Variants in EDIL3 observed in about 807,000 individuals in gnomAD.
The protein encoded by EDIL3 is EGF-like repeat and discoidin I-like domain-containing protein 3.
In EDIL3, 37 loss-of-function variants were observed where a neutral mutation model predicts 67.4. The ratio of observed to expected loss-of-function variants is 0.55; its 90% confidence interval spans 0.42 to 0.72. The LOEUF (loss-of-function observed/expected upper bound fraction) is 0.72, where lower values mean the gene tolerates loss of function less well. Ranked by LOEUF, EDIL3 falls within the 30% of genes least tolerant of loss-of-function variation. The pLI is 0.00. For missense variants in EDIL3, 527 were observed against 586.3 expected (o/e 0.90, Z 1.04); for synonymous variants, 195 against 196.3 (o/e 0.99, Z 0.05).
chr5:83,989,819 A>G (rs762750910), intron 9 of EDIL3, among the ~76,000 whole-genome samples: 1 of 152,136 alleles, frequency 6.6e-6, no homozygotes, highest in Non-Finnish European at 1.5e-5. Flanking sequence ...CCTCCATCTG[A>G]GCAGACTGGA....
chr5:84,069,403 A>G (rs1746695890), intron 6 of EDIL3, among the ~76,000 whole-genome samples: 2 of 152,194 alleles, frequency 1.3e-5, no homozygotes, highest in African/African-American at 4.8e-5. Context: ...TATAATCTTG[A>G]ACAATTTGTC....
At chr5:84,016,793 C>T (rs1745614822) in intron 9 of EDIL3, among the ~76,000 whole-genome samples, 2 of 152,128 alleles carry the variant, frequency 1.3e-5, no homozygotes, top group South Asian at 2.1e-4. Context: ...ATATGAAACA[C>T]TCCTGGTTCC....
intron 1 of EDIL3, among the ~76,000 whole-genome samples, chr5:84,261,389 T>C (rs1745220096): frequency 6.6e-6 from 1 of 152,202 alleles, no homozygotes; most frequent in Non-Finnish European, 1.5e-5. Flanking sequence ...TATTGATATT[T>C]CACTTGTTGA....
rs142329636 is a variant in EDIL3 at position 84,162,760 on chromosome 5, C to T, written c.355+17633G>A. On this transcript the variant is annotated intron_variant, in intron 4 of 10. Transcript: ENST00000296591. ...ACAGGAAATCCACACATATTCTTTC[C>T]CTGCCATATTCTAGAACTGTACTCC... Among the ~76,000 whole-genome samples, 638 of 152,162 alleles carry T rather than the reference C, an allele frequency of 4.2e-3. 5 individuals are homozygous for T. Among genetic ancestry groups the T allele is most frequent in the Middle Eastern group, 0.01 (3 of 294 alleles).
At chr5:83,957,387 G>A (rs1370977284) in intron 10 of EDIL3, among the ~76,000 whole-genome samples, 1 of 151,634 alleles carries the variant, frequency 6.6e-6, no homozygotes, top group Non-Finnish European at 1.5e-5. Context: ...CAAAAGAACA[G>A]CATGAGTATT....
chr5:84,157,969 C>T (rs1459341139), intron 4 of EDIL3, among the ~76,000 whole-genome samples: 2 of 151,962 alleles, frequency 1.3e-5, no homozygotes, highest in Non-Finnish European at 2.9e-5. Context: ...CAATGATAAC[C>T]GGAATCTATT....
intron 10 of EDIL3, among the ~76,000 whole-genome samples, chr5:83,960,415 G>A (rs1306266965): frequency 1.3e-5 from 2 of 150,796 alleles, no homozygotes; most frequent in African/African-American, 2.4e-5. Context: ...ATTTTGGTTC[G>A]ATGTTTGAGG....
intron 2 of EDIL3, among the ~76,000 whole-genome samples, chr5:84,231,989 G>A (rs1161986134): frequency 6.6e-6 from 1 of 152,196 alleles, no homozygotes; most frequent in Non-Finnish European, 1.5e-5. Context: ...ATAAAAGAAA[G>A]TACAGAGGTT....
intron 4 of EDIL3, among the ~76,000 whole-genome samples, chr5:84,162,055 G>A (rs1456372860): frequency 6.6e-6 from 1 of 152,094 alleles, no homozygotes; most frequent in East Asian, 1.9e-4. Flanking sequence ...TCCATGGCAT[G>A]TCACTGATCC....
intron 1 of EDIL3, among the ~76,000 whole-genome samples, chr5:84,323,238 G>A (rs913532852): frequency 6.6e-6 from 1 of 151,762 alleles, no homozygotes; most frequent in Admixed American, 6.6e-5. Flanking sequence ...TATGTTTTGG[G>A]GCACACAATA....
rs559938611 is a variant in EDIL3, at chr5:84,125,493, A to C, written c.469+11748T>G. Among the ~76,000 whole-genome samples the C allele has an allele frequency of 2.6e-5, 4 of 152,190 alleles. No homozygotes were observed. The South Asian group carries it at 8.3e-4, about 32-fold the overall frequency. Reference sequence around the variant, plus strand: ...ATGATAGCGTCATATATGTCCGGGAAGCATACACTTCCTTAAATAACTCTA... The same window carrying C: ...ATGATAGCGTCATATATGTCCGGGACGCATACACTTCCTTAAATAACTCTA... On this transcript the variant is annotated intron_variant, in intron 5 of 10. Transcript: ENST00000296591.
chr5:84,094,204 C>G (rs1426319392), intron 6 of EDIL3, among the ~76,000 whole-genome samples: 1 of 152,112 alleles, frequency 6.6e-6, no homozygotes, highest in Non-Finnish European at 1.5e-5. Flanking sequence ...AAAGAAACAT[C>G]TGTTTAAAAA....
intron 1 of EDIL3, among the ~76,000 whole-genome samples, chr5:84,314,510 T>C (rs1221424231): frequency 1.3e-5 from 2 of 152,322 alleles, no homozygotes; most frequent in East Asian, 1.9e-4. Context: ...TTTATTAATA[T>C]AGATGTACAG....
At chr5:84,153,349 T>C (rs1580351610) in intron 4 of EDIL3, among the ~76,000 whole-genome samples, 1 of 152,098 alleles carries the variant, frequency 6.6e-6, no homozygotes, top group African/African-American at 2.4e-5. Flanking sequence ...CAGGCTGGAG[T>C]GCAGTGGCAC....
At position 83,942,397 on chromosome 5, in the gene EDIL3, AATG is replaced by A. The variant is rs1319082530; in HGVS notation, c.*1019_*1021del. The A allele has an allele frequency of 6.6e-6, 1 of 152,090 alleles. No individual in the cohort carries two copies. The highest frequency in any genetic ancestry group is 1.9e-4 in the East Asian group (1 of 5,190). The allele number at this position is 152,090 out of a possible 1,614,324, so 9.4% of individuals were successfully genotyped here. ...CAGGAAATGTGGAGCTGAACAAAGA[AATG>A]ATGAGTATGCTTGGCCAAACTATGC... On this transcript the variant is annotated 3_prime_UTR_variant, in exon 11 of 11. Coordinates refer to ENST00000296591, the MANE Select transcript of EDIL3 (RefSeq NM_005711.5).
At chr5:83,953,619 T>G (rs1449904333) in intron 10 of EDIL3, among the ~76,000 whole-genome samples, 2 of 151,844 alleles carry the variant, frequency 1.3e-5, no homozygotes, top group Non-Finnish European at 2.9e-5. Flanking sequence ...CTAACTTTAC[T>G]GGAAATGAGG....
At chr5:84,242,793 T>TAA (rs373595978) in intron 2 of EDIL3, among the ~76,000 whole-genome samples, 77,187 of 120,596 alleles carry the variant, frequency 0.64, 25,276 homozygotes, top group East Asian at 0.93. Flanking sequence ...GACCCTATCT[T>TAA]AAAAAAAAAA....
At chr5:84,189,052 T>C (rs940518930) in intron 3 of EDIL3, among the ~76,000 whole-genome samples, 4 of 152,052 alleles carry the variant, frequency 2.6e-5, no homozygotes, top group Non-Finnish European at 5.9e-5. Context: ...TTGCAGTTGA[T>C]TAAGTAAACC....
chr5:84,241,943 G>A lies in EDIL3; in HGVS notation c.197-12059C>T, dbSNP rs1003005121. Among the ~76,000 whole-genome samples, 13 of 151,886 alleles carry A rather than the reference G, an allele frequency of 8.6e-5. No individual in the cohort carries two copies. The East Asian group carries it at 9.7e-4, about 11-fold the overall frequency. ...TCATTTAATTTATACAAAAGCAGCC[G>A]GGCGCGGTGGCTCACGCCTGTAATC... On this transcript the variant is annotated intron_variant, in intron 2 of 10. Coordinates refer to ENST00000296591, the MANE Select transcript of EDIL3 (RefSeq NM_005711.5).
Sources: gnomAD v4.1 joint callset for allele counts (sites outside exome capture counted in the v4.1 genomes callset) on GRCh38, gnomAD v4.1.1 for gene constraint, MANE v1.5 for transcripts, NCBI Gene and HGNC (gene_info 2026-07-23, HGNC 2026-07-21) for gene names.